Variants in BANK1 observed in about 807,000 individuals in gnomAD.
BANK1 encodes the protein B cell scaffold protein with ankyrin repeats 1.
Under a neutral mutation model 94.5 loss-of-function variants are expected in BANK1, and 95 were observed. That is an observed-to-expected ratio of 1.00 (90% confidence interval 0.85 to 1.19). BANK1 has a LOEUF of 1.19. Among genes scored for constraint, BANK1 ranks in the 50% most tolerant of loss-of-function variants. BANK1 has a pLI of 0.00. For missense variants in BANK1, 987 were observed against 932.2 expected, an observed-to-expected ratio of 1.06 and a Z score of -0.77; for synonymous variants, 334 against 308.4, an observed-to-expected ratio of 1.08 and a Z score of -0.87.
At chr4:101,947,293 A>ATG (rs1723963692) in intron 7 of BANK1, among the ~76,000 whole-genome samples, 2 of 57,598 alleles carry the variant, frequency 3.5e-5, no homozygotes, top group Non-Finnish European at 8.2e-5. Flanking sequence ...AAATATATAT[A>ATG]TATATATATA....
Position 101,790,751 on chromosome 4 carries a change from C to A in BANK1, c.-130C>A. ...TCCTGAGACCTGGCCGCAGCCTCCG[C>A]GGGTGGCAAGCGGGCTGGGGAGAGC... is the stretch of plus-strand genomic sequence containing the variant. On this transcript the variant is annotated 5_prime_UTR_variant, in exon 1 of 17. Coordinates refer to ENST00000322953, the MANE Select transcript of BANK1 (RefSeq NM_017935.5). 9.9e-7 allele frequency: 1 copy of A among 1,010,302 alleles called. No homozygotes were observed. Among genetic ancestry groups the A allele is most frequent in the Non-Finnish European group, 1.5e-6 (1 of 677,120 alleles). The allele number at this position is 1,010,302 out of a possible 1,614,324, so 62.6% of individuals were successfully genotyped here. A position where few individuals can be genotyped will look rare whatever the true frequency, so the allele number is the denominator to read the frequency against.
At chr4:102,004,977 T>C (rs1314563018) in intron 7 of BANK1, among the ~76,000 whole-genome samples, 2 of 152,114 alleles carry the variant, frequency 1.3e-5, no homozygotes, top group Non-Finnish European at 2.9e-5. Flanking sequence ...ATAGACATCA[T>C]TTTGGCTCTG....
chr4:101,839,937 A>ATTTTTTTTTTTTTTTT (rs70964197), intron 2 of BANK1, among the ~76,000 whole-genome samples: 2 of 53,036 alleles, frequency 3.8e-5, no homozygotes, highest in African/African-American at 7.5e-5. Flanking sequence ...CAAATATTTA[A>ATTTTTTTTTTTTTTTT]TTTTTTTTTT....
intron 7 of BANK1, among the ~76,000 whole-genome samples, chr4:101,946,602 C>T (rs916921817): frequency 1.3e-5 from 2 of 151,810 alleles, no homozygotes; most frequent in Non-Finnish European, 2.9e-5. Flanking sequence ...ATTTGAAAAC[C>T]GAGATGGATT....
intron 7 of BANK1, among the ~76,000 whole-genome samples, chr4:101,957,816 GTTTTTGTTTTTTGT>G (rs150362539): frequency 1.4e-5 from 2 of 140,414 alleles, no homozygotes; most frequent in Admixed American, 7.1e-5. Flanking sequence ...TTGTTGTTGT[GTTTTTGTTTTTTGT>G]TTTTTGTTTT....
intron 6 of BANK1, among the ~76,000 whole-genome samples, chr4:101,907,502 G>A (rs1329483957): frequency 3.3e-5 from 5 of 152,184 alleles, no homozygotes; most frequent in Admixed American, 2.0e-4. Context: ...CAAAAGACAG[G>A]GATGCCCTCT....
chr4:101,938,328 G>T (rs1384928014), intron 7 of BANK1, among the ~76,000 whole-genome samples: 1 of 151,270 alleles, frequency 6.6e-6, no homozygotes, highest in African/African-American at 2.4e-5. Context: ...GGGAAAGTGG[G>T]GATGACTAAT....
chr4:102,060,502 C>T, intron 12 of BANK1, 113 bp downstream of exon 12: 1 of 1,123,826 alleles, frequency 8.9e-7, no homozygotes, highest in South Asian at 1.5e-5. Flanking sequence ...TTTTAACTAG[C>T]CACTAAGGAA....
chr4:101,798,117 C>A (rs1725221723), intron 1 of BANK1, among the ~76,000 whole-genome samples: 1 of 152,060 alleles, frequency 6.6e-6, no homozygotes, highest in South Asian at 2.1e-4. Flanking sequence ...AAATTGAAGC[C>A]TGAAATTTAG....
intron 7 of BANK1, among the ~76,000 whole-genome samples, chr4:101,951,053 GA>G (rs1413812975): frequency 2.6e-5 from 4 of 152,238 alleles, no homozygotes; most frequent in Admixed American, 1.3e-4. Flanking sequence ...CCTTGGAACA[GA>G]AAAAGGCCAT....
At chr4:101,851,290 C>G (rs1048742247) in intron 2 of BANK1, among the ~76,000 whole-genome samples, 1 of 152,098 alleles carries the variant, frequency 6.6e-6, no homozygotes, top group Admixed American at 6.6e-5. Flanking sequence ...TGTCCTTAAG[C>G]CTTTTTCAGA....
At chr4:102,055,155 A>G (rs993118807) in intron 11 of BANK1, among the ~76,000 whole-genome samples, 14 of 152,056 alleles carry the variant, frequency 9.2e-5, no homozygotes, top group African/African-American at 3.4e-4. Flanking sequence ...TTTTAACTCA[A>G]TAGTTAACCA....
At chr4:102,010,240 G>A (rs906060467) in intron 7 of BANK1, among the ~76,000 whole-genome samples, 9 of 151,920 alleles carry the variant, frequency 5.9e-5, no homozygotes, top group Non-Finnish European at 1.3e-4. Context: ...ACTCCAGCCT[G>A]GGCGACAGAG....
At position 101,917,553 on chromosome 4, in the gene BANK1, G is replaced by T. The variant is rs113421394; in HGVS notation, c.1010-440G>T. ...TAGAAATCTAATATAACCCCTCAAA[G>T]AATTTCATGTTCATTTCAACTTTGG... On this transcript the variant is annotated intron_variant, in intron 6 of 16. Coordinates refer to ENST00000322953, the MANE Select transcript of BANK1 (RefSeq NM_017935.5). Among the ~76,000 whole-genome samples, 644 of 151,896 alleles carry T rather than the reference G, an allele frequency of 4.2e-3. 8 individuals are homozygous for T. The highest frequency in any genetic ancestry group is 0.015 in the African/African-American group (632 of 41,492).
In BANK1 at chr4:101,830,139, A is replaced by T. The variant is rs1446505893; in HGVS notation, c.402A>T (p.Arg134Ser). Residue 134 changes from arginine (R) to serine (S), a missense_variant, in exon 2 of 17, where the codon AGA becomes AGT. Coordinates refer to ENST00000322953, the MANE Select transcript of BANK1 (RefSeq NM_017935.5). ...LYELLNISQS[R>S]WEISTEQEPE... ...AATTACTAAATATCTCTCAAAGCAG[A>T]TGGGAGATCTCAACTGAACAGGAAC... 8.7e-6 allele frequency: 14 copies of T among 1,609,232 alleles called. No individual in the cohort carries two copies. Among genetic ancestry groups the T allele is most frequent in the Non-Finnish European group, 1.2e-5 (14 of 1,178,224 alleles).
At chr4:102,041,873 A>G (rs891236709) in intron 10 of BANK1, among the ~76,000 whole-genome samples, 3 of 152,076 alleles carry the variant, frequency 2.0e-5, no homozygotes, top group Non-Finnish European at 1.5e-5. Context: ...TGTTATCAGC[A>G]AAAAGGATTC....
At chr4:101,914,767 A>T (rs753136723) in intron 6 of BANK1, among the ~76,000 whole-genome samples, 14 of 152,152 alleles carry the variant, frequency 9.2e-5, no homozygotes, top group Non-Finnish European at 2.1e-4. Flanking sequence ...TATCTAATAC[A>T]TATATTTTCT....
chr4:101,985,273 A>C (rs1191361666), intron 7 of BANK1, among the ~76,000 whole-genome samples: 1 of 152,176 alleles, frequency 6.6e-6, no homozygotes, highest in Non-Finnish European at 1.5e-5. Flanking sequence ...TCAGGTCTCA[A>C]CAGATTGGAT....
At chr4:102,013,656 A>AT (rs796789296) in intron 7 of BANK1, among the ~76,000 whole-genome samples, 8 of 151,740 alleles carry the variant, frequency 5.3e-5, no homozygotes, top group South Asian at 4.2e-4. Context: ...GAAAATAGGG[A>AT]TTTTTTTTAA....
Sources: gnomAD v4.1 joint callset for allele counts (sites outside exome capture counted in the v4.1 genomes callset) on GRCh38, gnomAD v4.1.1 for gene constraint, MANE v1.5 for transcripts, NCBI Gene and HGNC (gene_info 2026-07-23, HGNC 2026-07-21) for gene names.